Variants in POLN observed in about 807,000 individuals in gnomAD.
POLN encodes DNA polymerase N.
In POLN, 108 loss-of-function variants were observed where a neutral mutation model predicts 113.5. The observed-to-expected ratio is 0.95, with a 90% CI of 0.81 to 1.12. The LOEUF (loss-of-function observed/expected upper bound fraction) is 1.12. Among genes scored for constraint, POLN ranks in the 50% most tolerant of loss-of-function variants. The pLI is 0.00. For synonymous variants in POLN, 386 were observed against 391.5 expected, an observed-to-expected ratio of 0.99 and a Z score of 0.17; for missense variants, 1,097 against 1,077.1, an observed-to-expected ratio of 1.02 and a Z score of -0.26.
chr4:2,212,017 C>T (rs1734003967), intron 4 of POLN, among the ~76,000 whole-genome samples: 1 of 152,104 alleles, frequency 6.6e-6, no homozygotes, highest in South Asian at 2.1e-4. Context: ...AGATAATCAT[C>T]CTATGAACCC....
At chr4:2,102,719 C>T (rs1453391775) in intron 19 of POLN, among the ~76,000 whole-genome samples, 2 of 152,186 alleles carry the variant, frequency 1.3e-5, no homozygotes, top group Admixed American at 6.5e-5. Context: ...AAGAGAGGCC[C>T]ATCTGGCATT....
chr4:2,218,528 T>C (rs559526841), intron 3 of POLN, among the ~76,000 whole-genome samples: 9 of 152,248 alleles, frequency 5.9e-5, no homozygotes, highest in African/African-American at 1.4e-4. Context: ...AAAAACTTCA[T>C]GGTTGTGGTG....
chr4:2,133,501 C>A (rs1444592143), intron 16 of POLN, among the ~76,000 whole-genome samples: 2 of 152,158 alleles, frequency 1.3e-5, no homozygotes, highest in Non-Finnish European at 2.9e-5. Context: ...AGAATGACAT[C>A]CTGTCATTCG....
chr4:2,093,465 G>T lies in POLN; in HGVS notation c.2065+2386C>A, dbSNP rs376554751. On this transcript the variant is annotated intron_variant, in intron 20 of 25. Coordinates refer to ENST00000511885, the MANE Select transcript of POLN (RefSeq NM_181808.4). The surrounding 1 kb of genome is among the most constrained non-coding windows in gnomAD (Gnocchi z 4.1). ...CATTTTCCCAGGAGGAGATGGCACA[G>T]GGAGGCGGAGGGCCTTGCACAAGGC... Among the ~76,000 whole-genome samples the T allele has an allele frequency of 6.6e-6, 1 of 152,240 alleles. No individual in the cohort carries two copies. The highest frequency in any genetic ancestry group is 2.4e-5 in the African/African-American group (1 of 41,464).
At chr4:2,114,333 GCT>G (rs1488679073) in intron 19 of POLN, among the ~76,000 whole-genome samples, 1 of 152,124 alleles carries the variant, frequency 6.6e-6, no homozygotes, top group African/African-American at 2.4e-5. Context: ...CCATTCTGGT[GCT>G]CTTTCTTCCT....
chr4:2,129,179 C>A lies in POLN; in HGVS notation c.1867G>T (p.Asp623Tyr), dbSNP rs754320285. The A allele has an allele frequency of 6.3e-7, 1 of 1,575,436 alleles. No homozygotes were observed. The highest frequency in any genetic ancestry group is 8.7e-7 in the Non-Finnish European group (1 of 1,145,074). ...SSKGHTFLAA[D>Y]FSQIELRILT... ...CATAAAGCAAGCTACAGCAACGTACCTGCTGCTAGAAAGGTGTGGCCTTTG... is the reference window on the plus strand; with the variant it reads ...CATAAAGCAAGCTACAGCAACGTACATGCTGCTAGAAAGGTGTGGCCTTTG... The change falls in exon 18 of 26, where the codon GAC becomes TAC. Residue 623 changes from aspartate to tyrosine, a missense_variant and splice_region_variant. Transcript: ENST00000511885.
At chr4:2,096,073 G>A (rs1730782934) in intron 19 of POLN, 140 bp from the exon 20 acceptor site, 1 of 745,866 alleles carries the variant, frequency 1.3e-6, no homozygotes, top group South Asian at 1.5e-5. Context: ...ACTGGCAGGG[G>A]AGACATTCCA....
At chr4:2,161,472 C>G (rs1051615800) in intron 13 of POLN, among the ~76,000 whole-genome samples, 1 of 152,228 alleles carries the variant, frequency 6.6e-6, no homozygotes, top group Non-Finnish European at 1.5e-5. Flanking sequence ...GCGCTGCGCT[C>G]GATTTCTCAC....
chr4:2,240,937 C>A (rs763377769), intron 2 of POLN: 1 of 1,594,828 alleles, frequency 6.3e-7, no homozygotes, highest in South Asian at 1.1e-5. Context: ...AACTCATTTC[C>A]ACAACTCATG....
intron 20 of POLN, among the ~76,000 whole-genome samples, chr4:2,091,133 A>G (rs775275063): frequency 5.3e-5 from 8 of 152,176 alleles, no homozygotes; most frequent in Non-Finnish European, 1.2e-4. Flanking sequence ...GTCACTTCCC[A>G]GTGCCTCTGG....
At chr4:2,238,728 C>T (rs1267723135) in intron 2 of POLN, 2 of 1,613,546 alleles carry the variant, frequency 1.2e-6, no homozygotes, top group Non-Finnish European at 1.7e-6. Flanking sequence ...AGTTCTTGAA[C>T]CAAATTTTCA....
chr4:2,132,138 C>T (rs1046856641), intron 16 of POLN, among the ~76,000 whole-genome samples: 4 of 152,160 alleles, frequency 2.6e-5, no homozygotes, highest in Admixed American at 2.0e-4. Context: ...GACATGAAGG[C>T]CTTGGGGTAT....
At chr4:2,173,509 C>A (rs199850396) in intron 11 of POLN, among the ~76,000 whole-genome samples, 1 of 12,914 alleles carries the variant, frequency 7.7e-5, no homozygotes, top group Non-Finnish European at 1.1e-3. Flanking sequence ...CATCTTTGCC[C>A]CGCCCCGCCA....
chr4:2,229,356 T>C (rs908988020), intron 2 of POLN, 113 bp from the exon 3 acceptor site: 2 of 897,346 alleles, frequency 2.2e-6, no homozygotes, highest in Admixed American at 3.5e-5. Flanking sequence ...AAAATGTCTA[T>C]ATTCATAACC....
intron 3 of POLN, among the ~76,000 whole-genome samples, chr4:2,225,987 T>C (rs1734378982): frequency 6.6e-6 from 1 of 150,704 alleles, no homozygotes; most frequent in East Asian, 1.9e-4. Context: ...AGACCCTGTC[T>C]CGAAAAAAAA....
intron 23 of POLN, among the ~76,000 whole-genome samples, chr4:2,077,306 C>T (rs2108687343): frequency 6.6e-6 from 1 of 152,354 alleles, no homozygotes; most frequent in Non-Finnish European, 1.5e-5. Context: ...GAAAAGTCTG[C>T]CTTCTGGAGT....
At chr4:2,173,201 G>A (rs986564763) in intron 11 of POLN, among the ~76,000 whole-genome samples, 2 of 152,182 alleles carry the variant, frequency 1.3e-5, no homozygotes, top group Admixed American at 1.3e-4. Flanking sequence ...CAGGACTCTG[G>A]AAAGTCTGTG....
At position 2,238,650 on chromosome 4, in the gene POLN, T is replaced by A. The variant is rs147357419; in HGVS notation, c.-13+2870A>T. The A allele has an allele frequency of 1.2e-6, 2 of 1,611,572 alleles. No individual in the cohort carries two copies. Among genetic ancestry groups the A allele is most frequent in the African/African-American group, 2.7e-5 (2 of 75,004 alleles). ...GTATCAATGGTATTCCTTGGATTTA[T>A]CTGTTGAGAAACTGATGGATCTGTT... is the stretch of plus-strand genomic sequence containing the variant. On this transcript the variant is annotated intron_variant, in intron 2 of 25. Coordinates refer to ENST00000511885, the MANE Select transcript of POLN (RefSeq NM_181808.4).
intron 19 of POLN, among the ~76,000 whole-genome samples, chr4:2,099,686 TA>T (rs1353793258): frequency 1.3e-5 from 2 of 152,186 alleles, no homozygotes; most frequent in East Asian, 3.8e-4. Context: ...CTTTAGTTTA[TA>T]ATAACATACC....
Sources: allele counts gnomAD v4.1 joint callset (sites outside exome capture counted in the v4.1 genomes callset), GRCh38; gene constraint gnomAD v4.1.1; non-coding constraint Gnocchi (gnomAD v3.1); transcripts MANE v1.5; gene names NCBI Gene and HGNC (gene_info 2026-07-23, HGNC 2026-07-21).